The following POLDIP3 variants were observed in gnomAD, a reference collection of about 807,000 sequenced individuals.
POLDIP3 encodes polymerase delta-interacting protein 3.
POLDIP3 carries 14 observed loss-of-function variants against 45.1 expected under a neutral mutation model. The observed-to-expected ratio is 0.31, with a 90% CI of 0.20 to 0.49. The LOEUF (loss-of-function observed/expected upper bound fraction) is 0.49. Among genes scored for constraint, POLDIP3 ranks in the 20% least tolerant of loss-of-function variants. The pLI, the probability that POLDIP3 is intolerant of heterozygous loss-of-function variation, is 0.99. For synonymous variants in POLDIP3, 223 were observed against 205.2 expected (o/e 1.09, Z -0.74); for missense variants, 511 against 538.8 (o/e 0.95, Z 0.51).
chr22:42,591,063 A>C (rs1001458887), intron 7 of POLDIP3, among the ~76,000 whole-genome samples: 1 of 147,018 alleles, frequency 6.8e-6, no homozygotes, highest in Non-Finnish European at 1.5e-5. Flanking sequence ...AACAGAGAGA[A>C]ACTCAAAAAA....
chr22:42,606,563 C>T (rs947741824), intron 1 of POLDIP3, among the ~76,000 whole-genome samples: 10 of 152,300 alleles, frequency 6.6e-5, no homozygotes, highest in African/African-American at 2.4e-4. Flanking sequence ...TGCAATGTTG[C>T]CGTGAGCCAG....
chr22:42,614,477 G>A (rs1028266490), intron 1 of POLDIP3, among the ~76,000 whole-genome samples: 12 of 152,188 alleles, frequency 7.9e-5, no homozygotes, highest in African/African-American at 2.9e-4. Flanking sequence ...GTCCACACAG[G>A]CAAGGAGGCT....
At chr22:42,601,783 T>C (rs531052983) in intron 3 of POLDIP3, among the ~76,000 whole-genome samples, 187 bp downstream of exon 3, 1 of 151,966 alleles carries the variant, frequency 6.6e-6, no homozygotes, top group Non-Finnish European at 1.5e-5. Context: ...ATAAAAAAAA[T>C]TTCTTCTTTA....
intron 7 of POLDIP3, among the ~76,000 whole-genome samples, chr22:42,588,456 C>CAAAAA (rs137093): frequency 9.9e-6 from 1 of 101,490 alleles, no homozygotes; most frequent in Non-Finnish European, 2.2e-5. Context: ...GACTCCACCT[C>CAAAAA]AAAAAAAAAA....
At chr22:42,592,918 A>G (rs989385984) in intron 6 of POLDIP3, among the ~76,000 whole-genome samples, 4 of 152,220 alleles carry the variant, frequency 2.6e-5, no homozygotes, top group African/African-American at 9.6e-5. Context: ...GTGAGGGCCA[A>G]AAGAAGGTTT....
chr22:42,591,852 T>TGGGTTCCACCCATCTCACAGAGAC, intron 7 of POLDIP3, 103 bp downstream of exon 7: 1 of 1,476,438 alleles, frequency 6.8e-7, no homozygotes, highest in South Asian at 1.2e-5. Flanking sequence ...GCCCCAGAGA[T>TGGGTTCCACCCATCTCACAGAGAC]GGGTTCCACC....
At chr22:42,602,133 G>C (rs1246724983) in intron 2 of POLDIP3, 77 bp from the exon 3 acceptor site, 13 of 1,603,708 alleles carry the variant, frequency 8.1e-6, no homozygotes, top group Non-Finnish European at 1.1e-5. Context: ...TACTGAACTT[G>C]ATACATGGTG....
At chr22:42,595,938 C>T (rs927507174) in intron 5 of POLDIP3, among the ~76,000 whole-genome samples, 1 of 152,214 alleles carries the variant, frequency 6.6e-6, no homozygotes, top group Non-Finnish European at 1.5e-5. Context: ...CTGTCCTCAG[C>T]CCTCCTAATA....
intron 1 of POLDIP3, among the ~76,000 whole-genome samples, chr22:42,605,701 A>C (rs991757463): frequency 6.6e-6 from 1 of 152,100 alleles, no homozygotes; most frequent in African/African-American, 2.4e-5. Flanking sequence ...GGGAGTGTTC[A>C]GGGGGTCGGC....
chr22:42,602,067 T>G lies in POLDIP3; in HGVS notation c.451-11A>C, dbSNP rs1461050445. 1 of 1,613,976 alleles carries G rather than the reference T, an allele frequency of 6.2e-7. No individual in the cohort carries two copies. Among genetic ancestry groups the G allele is most frequent in the African/African-American group, 1.3e-5 (1 of 74,936 alleles). ...TTTCTGCTGTGGAACCTGGAAACAC[T>G]CAGTGGTCAGAATCCACCCCACAGG... On this transcript the variant is annotated splice_polypyrimidine_tract_variant and intron_variant, in intron 2 of 8. Coordinates refer to ENST00000252115, the MANE Select transcript of POLDIP3 (RefSeq NM_032311.5).
At chr22:42,597,460 G>A (rs528171921) in intron 4 of POLDIP3, among the ~76,000 whole-genome samples, 3 of 152,180 alleles carry the variant, frequency 2.0e-5, no homozygotes, top group Middle Eastern at 3.2e-3. Flanking sequence ...ACTCCACACA[G>A]GGCCCTGAGA....
intron 4 of POLDIP3, among the ~76,000 whole-genome samples, chr22:42,597,993 G>C (rs962886310): frequency 3.3e-5 from 5 of 151,788 alleles, no homozygotes; most frequent in Non-Finnish European, 7.4e-5. Flanking sequence ...TGCCAAGCTG[G>C]TCTCCAACTC....
chr22:42,597,647 G>C (rs1380220540), intron 4 of POLDIP3: 2 of 456,414 alleles, frequency 4.4e-6, no homozygotes, highest in African/African-American at 4.1e-5. Context: ...ATTCAATTAG[G>C]GTATCAAATA....
At chr22:42,592,309 T>C (rs1040903559) in intron 6 of POLDIP3, among the ~76,000 whole-genome samples, 5 of 152,226 alleles carry the variant, frequency 3.3e-5, no homozygotes, top group African/African-American at 1.2e-4. Flanking sequence ...TTACAAGCCT[T>C]GGATCACCTG....
intron 3 of POLDIP3, among the ~76,000 whole-genome samples, chr22:42,600,947 T>G (rs1003088341): frequency 4.7e-5 from 7 of 150,286 alleles, no homozygotes; most frequent in Non-Finnish European, 1.5e-5. Context: ...CTACAAAAAT[T>G]AGCCAGATGT....
intron 6 of POLDIP3, among the ~76,000 whole-genome samples, chr22:42,595,011 CT>C (rs989386936): frequency 9.2e-5 from 14 of 151,656 alleles, no homozygotes; most frequent in African/African-American, 3.2e-4. Context: ...GCTGGGCTGA[CT>C]GCTATTGTTT....
In POLDIP3 at chr22:42,602,959, G is replaced by C. The variant is rs1165131285; in HGVS notation, c.261C>G (p.Ile87Met). The stretch of plus-strand genomic sequence containing the variant: ...CTCTGGCATCCTGCACTTTCCCTTT[G>C]ATTCGAAATCGGGCATCTTTCTGCA... Reference protein sequence around the residue: ...KLLQKDARFRIKGKVQDAREM... With the variant: ...KLLQKDARFRMKGKVQDAREM... Residue 87 changes from isoleucine to methionine, a missense_variant, in exon 2 of 9, where the codon ATC becomes ATG. Physicochemically the swap from Ile to Met is conservative, Grantham distance 10 (BLOSUM62 1). Coordinates refer to ENST00000252115, the MANE Select transcript of POLDIP3 (RefSeq NM_032311.5). The C allele has an allele frequency of 6.2e-7, 1 of 1,614,112 alleles. No individual in the cohort carries two copies.
intron 1 of POLDIP3, among the ~76,000 whole-genome samples, chr22:42,604,148 C>A (rs148235678): frequency 6.6e-5 from 10 of 152,146 alleles, no homozygotes; most frequent in Admixed American, 1.3e-4. Context: ...GCCACTCATG[C>A]GGCAGACGCT....
At position 42,585,979 on chromosome 22, in the gene POLDIP3, CAGAGA is replaced by C; in HGVS notation, c.1089-16_1089-12del. 2 of 1,590,790 alleles carry C rather than the reference CAGAGA, an allele frequency of 1.3e-6. No individual in the cohort carries two copies. Among genetic ancestry groups the C allele is most frequent in the Non-Finnish European group, 1.7e-6 (2 of 1,169,326 alleles). The stretch of plus-strand genomic sequence containing the variant: ...CTGTCACTCAGCCGCCTGTGGAGAG[CAGAGA>C]AGAGTCAAAAATTCTTGTCAGTTTT... On this transcript the variant is annotated splice_polypyrimidine_tract_variant and intron_variant, in intron 8 of 8. Coordinates refer to ENST00000252115, the MANE Select transcript of POLDIP3 (RefSeq NM_032311.5).
Sources: gnomAD v4.1 joint callset for allele counts (sites outside exome capture counted in the v4.1 genomes callset) on GRCh38, gnomAD v4.1.1 for gene constraint, MANE v1.5 for transcripts, NCBI Gene and HGNC (gene_info 2026-07-23, HGNC 2026-07-21) for gene names.